PLEKHG4B: variants seen among roughly 807,000 people sequenced by gnomAD.
PLEKHG4B encodes the protein pleckstrin homology domain-containing family G member 4B.
In PLEKHG4B, 111 loss-of-function variants were observed where a neutral mutation model predicts 121.3. That is an observed-to-expected ratio of 0.92 (90% CI 0.78 to 1.07). PLEKHG4B has a LOEUF of 1.07. Ranked by LOEUF, PLEKHG4B falls within the 50% of genes least tolerant of loss-of-function variation. The pLI, the probability that PLEKHG4B is intolerant of heterozygous loss-of-function variation, is 0.00. For missense variants in PLEKHG4B, 1,831 were observed against 1,757.8 expected, an observed-to-expected ratio of 1.04 and a Z score of -0.74; for synonymous variants, 738 against 725.0, an observed-to-expected ratio of 1.02 and a Z score of -0.29.
intron 16 of PLEKHG4B, 103 bp downstream of exon 16, chr5:171,547 G>A: frequency 8.5e-7 from 1 of 1,181,080 alleles, no homozygotes. Context: ...GTGATGTGCT[G>A]GCAGATTTGC....
chr5:158,235 C>G, intron 11 of PLEKHG4B, among the ~76,000 whole-genome samples: 1 of 144,446 alleles, frequency 6.9e-6, no homozygotes, highest in South Asian at 2.3e-4. Context: ...CCATCTTCCC[C>G]TCCTCCCCCT....
intron 1 of PLEKHG4B, among the ~76,000 whole-genome samples, chr5:106,674 C>T (rs1422429991): frequency 6.6e-6 from 1 of 152,200 alleles, no homozygotes; most frequent in African/African-American, 2.4e-5. Context: ...GAGTGGCTCC[C>T]CCTGCAGCAG....
At chr5:94,018 A>G (rs890744869) in intron 1 of PLEKHG4B, among the ~76,000 whole-genome samples, 1 of 152,204 alleles carries the variant, frequency 6.6e-6, no homozygotes, top group Non-Finnish European at 1.5e-5. Context: ...AAGTCAGGCC[A>G]TCTAGAGCCT....
intron 2 of PLEKHG4B, among the ~76,000 whole-genome samples, chr5:115,988 C>T (rs1734297152): frequency 6.6e-6 from 1 of 152,192 alleles, no homozygotes; most frequent in Non-Finnish European, 1.5e-5. Context: ...GTGTTTACAG[C>T]TTAGCTGACT....
chr5:161,981 G>T (rs200910691), intron 12 of PLEKHG4B, 37 bp downstream of exon 12: 1 of 1,561,556 alleles, frequency 6.4e-7, no homozygotes, highest in Admixed American at 1.8e-5. Flanking sequence ...CAGGGATCCC[G>T]GCTCCTTAGG....
At chr5:115,830 T>G (rs1166314723) in intron 2 of PLEKHG4B, among the ~76,000 whole-genome samples, 1 of 152,258 alleles carries the variant, frequency 6.6e-6, no homozygotes, top group Non-Finnish European at 1.5e-5. Context: ...GGTTAGGCTT[T>G]GGCTTAAGGG....
Position 184,023 on chromosome 5 carries a change from A to AGATAGATAGATAGATAGATAGATAGAT in PLEKHG4B, c.*1706_*1707insTAGATAGATAGATAGATAGATGATAGA, listed in dbSNP as rs1491292583. 2 of 151,264 alleles carry AGATAGATAGATAGATAGATAGATAGAT rather than the reference A, an allele frequency of 1.3e-5. No individual in the cohort carries two copies. Among genetic ancestry groups the AGATAGATAGATAGATAGATAGATAGAT allele is most frequent in the South Asian group, 2.1e-4 (1 of 4,770 alleles). The allele number at this position is 151,264 out of a possible 1,614,324, so 9.4% of individuals were successfully genotyped here. A position where few individuals can be genotyped will look rare whatever the true frequency, so the allele number is the denominator to read the frequency against. On this transcript the variant is annotated 3_prime_UTR_variant, in exon 20 of 20. Transcript: ENST00000637938. ...TAGATAGATAGATAGATAGATAGAT[A>AGATAGATAGATAGATAGATAGATAGAT]GATAGACTGACAGACAGATGAGAGG...
At chr5:171,560 C>T (rs765510061) in intron 16 of PLEKHG4B, 116 bp downstream of exon 16, 46 of 1,063,430 alleles carry the variant, frequency 4.3e-5, no homozygotes, top group African/African-American at 2.1e-4. Context: ...AGATTTGCCC[C>T]GGAGAAGTCC....
chr5:142,080 A>G (rs1226918906), intron 3 of PLEKHG4B, among the ~76,000 whole-genome samples: 2 of 152,182 alleles, frequency 1.3e-5, no homozygotes, highest in East Asian at 1.9e-4. Context: ...AGAGTGCCGC[A>G]CACACACGGG....
chr5:141,385 C>A (rs766209288), intron 3 of PLEKHG4B, among the ~76,000 whole-genome samples: 3 of 149,436 alleles, frequency 2.0e-5, no homozygotes, highest in Non-Finnish European at 3.0e-5. Flanking sequence ...CTCCGAGGAC[C>A]GGGGGCACCC....
rs1308815335 is a variant in PLEKHG4B, at chr5:163,554, G to A, written c.3476+6G>A. The A allele has an allele frequency of 3.8e-6, 6 of 1,572,130 alleles. No homozygotes were observed. The highest frequency in any genetic ancestry group is 2.3e-5 in the East Asian group (1 of 43,242). On this transcript the variant is annotated splice_donor_region_variant and intron_variant, in intron 13 of 19. Coordinates refer to ENST00000637938, the MANE Select transcript of PLEKHG4B (RefSeq NM_052909.5). ...GGGAGGCAGCAGGTGGGCAGGTGAG[G>A]TGGACGTCCCCCTCCTCTCGTCCTA...
chr5:144,835 T>A lies in PLEKHG4B; in HGVS notation c.1820T>A (p.Val607Asp), dbSNP rs1735350335. The A allele has an allele frequency of 6.2e-7, 1 of 1,613,048 alleles. No homozygotes were observed. The highest frequency in any genetic ancestry group is 8.5e-7 in the Non-Finnish European group (1 of 1,179,770). The change falls in exon 6 of 20, where the codon GTC becomes GAC. Residue 607 changes from valine (V) to aspartate (D), a missense_variant. Coordinates refer to ENST00000637938, the MANE Select transcript of PLEKHG4B (RefSeq NM_052909.5). ...TGTCTTTCCCTCCCCAGGAAAGAGG[T>A]CCGGGACCTGGGGCTGGTTGTCCTG... Reference protein sequence around the residue: ...LYFHSIPRKEVRDLGLVVLVD... With the variant: ...LYFHSIPRKEDRDLGLVVLVD...
At chr5:115,230 G>A (rs1207983702) in intron 2 of PLEKHG4B, among the ~76,000 whole-genome samples, 1 of 152,232 alleles carries the variant, frequency 6.6e-6, no homozygotes, top group Admixed American at 6.5e-5. Flanking sequence ...CACATGTACT[G>A]TTGGTGAGCA....
intron 7 of PLEKHG4B, among the ~76,000 whole-genome samples, 183 bp from the exon 8 acceptor site, chr5:154,691 TC>T (rs1416306541): frequency 1.3e-5 from 2 of 151,192 alleles, no homozygotes; most frequent in African/African-American, 4.9e-5. Flanking sequence ...CTCCCTTCTT[TC>T]CCGTCTTCTC....
rs1734230391 is a variant in PLEKHG4B, at chr5:113,886, G to A, written c.243+438G>A. Among the ~76,000 whole-genome samples, 1 of 152,144 alleles carries A rather than the reference G, an allele frequency of 6.6e-6. No individual in the cohort carries two copies. The highest frequency in any genetic ancestry group is 6.5e-5 in the Admixed American group (1 of 15,282). ...AGAACCTCAGAGCTAAGTCAGTGCA[G>A]CAGTCACTGTGCAGGCCCACCTGGA... On this transcript the variant is annotated intron_variant, in intron 2 of 19. Coordinates refer to ENST00000637938, the MANE Select transcript of PLEKHG4B (RefSeq NM_052909.5). The surrounding 1 kb of genome is among the most constrained non-coding windows in gnomAD (Gnocchi z 5.2).
intron 1 of PLEKHG4B, among the ~76,000 whole-genome samples, chr5:105,776 T>C (rs1277405953): frequency 2.0e-5 from 3 of 152,232 alleles, no homozygotes; most frequent in Non-Finnish European, 4.4e-5. Context: ...GAGGACTTTT[T>C]TTTTCTACCT....
chr5:167,293 G>C (rs2126449058), intron 13 of PLEKHG4B, among the ~76,000 whole-genome samples: 1 of 152,352 alleles, frequency 6.6e-6, no homozygotes, highest in Non-Finnish European at 1.5e-5. Context: ...TGTCAAATCT[G>C]TTATGCAGGA....
chr5:163,147 C>A lies in PLEKHG4B; in HGVS notation c.3075C>A (p.Thr1025=). 1 of 1,552,262 alleles carries A rather than the reference C, an allele frequency of 6.4e-7. No individual in the cohort carries two copies. Among genetic ancestry groups the A allele is most frequent in the East Asian group, 2.3e-5 (1 of 43,552 alleles). ...TTCTGTGTGGACAGGACGGGGAGACCCTGCGCCCAGGGCTGTGTGCTCTGT... is the reference window on the plus strand; with the variant it reads ...TTCTGTGTGGACAGGACGGGGAGACACTGCGCCCAGGGCTGTGTGCTCTGT... The part of the protein sequence containing the change: ...RALLCGQDGE[T]LRPGLCALWD... Residue 1025 remains threonine (T), a synonymous_variant, in exon 13 of 20, where the codon ACC becomes ACA. Transcript: ENST00000637938.
intron 1 of PLEKHG4B, among the ~76,000 whole-genome samples, chr5:98,272 G>T (rs1025901543): frequency 4.0e-5 from 6 of 151,696 alleles, no homozygotes; most frequent in Non-Finnish European, 8.8e-5. Context: ...TTCTGTATGT[G>T]GTTATTCAGT....
Sources: allele counts gnomAD v4.1 joint callset (sites outside exome capture counted in the v4.1 genomes callset), GRCh38; gene constraint gnomAD v4.1.1; non-coding constraint Gnocchi (gnomAD v3.1); transcripts MANE v1.5; gene names NCBI Gene and HGNC (gene_info 2026-07-23, HGNC 2026-07-21).